The following MPHOSPH6 variants were observed in gnomAD, a reference collection of about 807,000 sequenced individuals.
MPHOSPH6 encodes M-phase phosphoprotein 6.
In MPHOSPH6, 25 loss-of-function variants were observed where a neutral mutation model predicts 21.8. That is an observed-to-expected ratio of 1.15 (90% confidence interval 0.83 to 1.60). The LOEUF (loss-of-function observed/expected upper bound fraction) is 1.60. MPHOSPH6 is among the 40% of genes most tolerant of loss of function. The pLI is 0.00. For missense variants in MPHOSPH6, 269 were observed against 181.8 expected (o/e 1.48, Z -2.76); for synonymous variants, 84 against 56.5 (o/e 1.49, Z -2.18).
At chr16:82,151,262 T>C in intron 3 of MPHOSPH6, 162 bp downstream of exon 3, 1 of 991,348 alleles carries the variant, frequency 1.0e-6, no homozygotes, top group Admixed American at 2.6e-5. Flanking sequence ...TAGACTGCAA[T>C]GCCTCCAATT....
chr16:82,164,183 C>T lies in MPHOSPH6; in HGVS notation c.63G>A (p.Arg21=), dbSNP rs758982987. 69 of 1,607,206 alleles carry T rather than the reference C, an allele frequency of 4.3e-5. No homozygotes were observed. Among genetic ancestry groups the T allele is most frequent in the Non-Finnish European group, 5.7e-5 (67 of 1,178,236 alleles). The change falls in exon 2 of 5, where the codon AGG becomes AGA. Residue 21 remains arginine (R), a synonymous_variant. Coordinates refer to ENST00000258169, the MANE Select transcript of MPHOSPH6 (RefSeq NM_005792.2). ...GTTTCTTGGTTTCTGAGTCCAGTCC[C>T]CTTTGCATAAACTGTGAAAACAAAC... ...KNLLRMKFMQ[R]GLDSETKKQL...
At chr16:82,164,035 C>T (rs1477260764) in intron 2 of MPHOSPH6, 47 bp downstream of exon 2, 1 of 1,306,840 alleles carries the variant, frequency 7.7e-7, no homozygotes, top group South Asian at 1.3e-5. Context: ...CAGGAGTTTC[C>T]TTCTGAATGC....
intron 2 of MPHOSPH6, among the ~76,000 whole-genome samples, chr16:82,163,276 C>A (rs551393864): frequency 6.6e-6 from 1 of 152,318 alleles, no homozygotes; most frequent in Non-Finnish European, 1.5e-5. Flanking sequence ...TTAAGTAAAA[C>A]TACCATACAA....
At chr16:82,152,047 G>A (rs1032574162) in intron 2 of MPHOSPH6, among the ~76,000 whole-genome samples, 3 of 152,178 alleles carry the variant, frequency 2.0e-5, no homozygotes, top group African/African-American at 7.2e-5. Flanking sequence ...TTGGAAAGCA[G>A]AATAAAGTAT....
At chr16:82,161,186 G>A (rs1042218025) in intron 2 of MPHOSPH6, among the ~76,000 whole-genome samples, 1 of 152,166 alleles carries the variant, frequency 6.6e-6, no homozygotes, top group Non-Finnish European at 1.5e-5. Flanking sequence ...TGAAATAAAA[G>A]TGTATACCTT....
rs1159077388 is a variant in MPHOSPH6, at chr16:82,164,193, A to T, written c.53T>A (p.Phe18Tyr). 2 of 1,588,240 alleles carry T rather than the reference A, an allele frequency of 1.3e-6. No homozygotes were observed. Among genetic ancestry groups the T allele is most frequent in the Non-Finnish European group, 8.6e-7 (1 of 1,168,020 alleles). ...TTCTGAGTCCAGTCCCCTTTGCATA[A>T]ACTGTGAAAACAAACAAAATCAATG... ...RLSKNLLRMK[F>Y]MQRGLDSETK... The change falls in exon 2 of 5, where the codon TTT becomes TAT. Residue 18 changes from phenylalanine (F) to tyrosine (Y), a missense_variant and splice_region_variant. Transcript: ENST00000258169.
Position 82,164,114 on chromosome 16 carries a change from C to T in MPHOSPH6, c.132G>A (p.Trp44Ter), listed in dbSNP as rs769587995. The T allele has an allele frequency of 6.2e-7, 1 of 1,613,042 alleles. No individual in the cohort carries two copies. Among genetic ancestry groups the T allele is most frequent in the South Asian group, 1.1e-5 (1 of 91,046 alleles). Residue 44 changes from tryptophan (W) to a stop codon, truncating the protein, a stop_gained, in exon 2 of 5, where the codon TGG becomes TGA. Transcript: ENST00000258169. LOFTEE classifies it high-confidence loss of function. ...CTTTAAGCTCTGGCAAATCCAAGTACCAGTGCTCTTCACTAATGATTTTCT... is the reference window on the plus strand; with the variant it reads ...CTTTAAGCTCTGGCAAATCCAAGTATCAGTGCTCTTCACTAATGATTTTCT... The part of the protein sequence containing the change: ...EEKKIISEEH[W>*]YLDLPELKEK...
intron 2 of MPHOSPH6, among the ~76,000 whole-genome samples, chr16:82,156,861 T>A (rs1906444007): frequency 6.6e-6 from 1 of 151,202 alleles, no homozygotes; most frequent in Non-Finnish European, 1.5e-5. Flanking sequence ...AGATCAGGAG[T>A]TCAAGACCAG....
intron 1 of MPHOSPH6, among the ~76,000 whole-genome samples, chr16:82,167,141 T>A (rs1906808483): frequency 6.6e-6 from 1 of 152,218 alleles, no homozygotes; most frequent in Admixed American, 6.5e-5. Context: ...AAAATATTTA[T>A]CATATGGTCC....
intron 2 of MPHOSPH6, among the ~76,000 whole-genome samples, chr16:82,163,223 G>A (rs1239995450): frequency 6.6e-6 from 1 of 152,206 alleles, no homozygotes; most frequent in African/African-American, 2.4e-5. Context: ...ACATAAATGT[G>A]CCTCAAGACA....
intron 2 of MPHOSPH6, chr16:82,162,195 C>T (rs897708492): frequency 6.6e-6 from 1 of 152,212 alleles, no homozygotes; most frequent in East Asian, 1.9e-4. Flanking sequence ...TGACACAAAA[C>T]AGGTTAAGTA....
chr16:82,170,039 T>G, intron 1 of MPHOSPH6, 86 bp downstream of exon 1: 1 of 1,453,484 alleles, frequency 6.9e-7, no homozygotes, highest in Non-Finnish European at 9.3e-7. Context: ...CTGGTGTCCC[T>G]TGTCCGCCCG....
In MPHOSPH6 at chr16:82,155,953, T is replaced by C. The variant is rs75885618; in HGVS notation, c.165-4439A>G. Among the ~76,000 whole-genome samples, 404 of 151,230 alleles carry C rather than the reference T, an allele frequency of 2.7e-3. 2 individuals carry two copies. Among genetic ancestry groups the C allele is most frequent in the Middle Eastern group, 0.017 (5 of 288 alleles). ...GATCACAGGTTATCTATGAAAGACA[T>C]GTCCTTTGATTTCTACCTCATGCTG... On this transcript the variant is annotated intron_variant, in intron 2 of 4. Coordinates refer to ENST00000258169, the MANE Select transcript of MPHOSPH6 (RefSeq NM_005792.2).
intron 2 of MPHOSPH6, among the ~76,000 whole-genome samples, chr16:82,161,378 A>C (rs1284552546): frequency 6.6e-6 from 1 of 152,190 alleles, no homozygotes; most frequent in Non-Finnish European, 1.5e-5. Context: ...TTCTGACTCC[A>C]AACAGACCAC....
chr16:82,148,930 A>G, intron 4 of MPHOSPH6, 67 bp from the exon 5 acceptor site: 1 of 1,554,444 alleles, frequency 6.4e-7, no homozygotes, highest in Non-Finnish European at 8.7e-7. Context: ...CCTTGTCAAG[A>G]ATATCAGACC....
At chr16:82,165,716 T>C (rs1395896249) in intron 1 of MPHOSPH6, among the ~76,000 whole-genome samples, 1 of 24,304 alleles carries the variant, frequency 4.1e-5, no homozygotes, top group Admixed American at 1.0e-3. Flanking sequence ...AGTAGCATGC[T>C]GTATAGGTTT....
intron 2 of MPHOSPH6, among the ~76,000 whole-genome samples, chr16:82,153,576 T>C (rs6420437): frequency 0.83 from 125,640 of 152,140 alleles, 52,083 homozygotes; most frequent in African/African-American, 0.89. Context: ...GGGGTTATGG[T>C]GGTGGCTGGA....
At chr16:82,165,042 A>G (rs1214274072) in intron 1 of MPHOSPH6, 1 of 151,536 alleles carries the variant, frequency 6.6e-6, no homozygotes, top group Non-Finnish European at 1.5e-5. Context: ...GAAGCCTCCT[A>G]GCAGTTAGGT....
chr16:82,156,387 G>A (rs868735624), intron 2 of MPHOSPH6, among the ~76,000 whole-genome samples: 1 of 152,018 alleles, frequency 6.6e-6, no homozygotes. Context: ...TGGCTGGATG[G>A]GGGATGAACA....
Sources: allele counts gnomAD v4.1 joint callset (sites outside exome capture counted in the v4.1 genomes callset), GRCh38; gene constraint gnomAD v4.1.1; transcripts MANE v1.5; gene names NCBI Gene and HGNC (gene_info 2026-07-23, HGNC 2026-07-21).